Variants in GALNT14 observed in about 807,000 individuals in gnomAD.
GALNT14 encodes polypeptide N-acetylgalactosaminyltransferase 14.
GALNT14 carries 60 observed loss-of-function variants against 77.5 expected under a neutral mutation model. The ratio of observed to expected loss-of-function variants is 0.77; its 90% CI spans 0.63 to 0.96. GALNT14 has a LOEUF of 0.96. Among genes scored for constraint, GALNT14 ranks in the 40% least tolerant of loss-of-function variants. GALNT14 has a pLI of 0.00. For missense variants in GALNT14, 710 were observed against 731.0 expected, an observed-to-expected ratio of 0.97 and a Z score of 0.33; for synonymous variants, 280 against 281.7, an observed-to-expected ratio of 0.99 and a Z score of 0.06.
chr2:31,130,588 T>C (rs535777134), intron 1 of GALNT14, among the ~76,000 whole-genome samples: 1 of 152,124 alleles, frequency 6.6e-6, no homozygotes, highest in Admixed American at 6.5e-5. Flanking sequence ...AGCCTCTAGC[T>C]CTCATTAGGC....
intron 13 of GALNT14, among the ~76,000 whole-genome samples, chr2:30,922,849 G>A (rs1271206948): frequency 2.6e-5 from 4 of 152,154 alleles, no homozygotes; most frequent in African/African-American, 9.7e-5. Context: ...AGTATCTGTT[G>A]AATGAATAAA....
intron 1 of GALNT14, among the ~76,000 whole-genome samples, chr2:31,076,629 ATT>A (rs35108670): frequency 0.048 from 4,872 of 101,844 alleles, 177 homozygotes; most frequent in African/African-American, 0.097. Flanking sequence ...ATATATATAT[ATT>A]TTTTTTTTTT....
intron 7 of GALNT14, 46 bp downstream of exon 7, chr2:30,945,737 A>G: frequency 6.8e-7 from 1 of 1,474,186 alleles, no homozygotes; most frequent in African/African-American, 1.4e-5. Context: ...AGTGACTGAG[A>G]GGAAAAGAAA....
chr2:30,912,547 A>C (rs1664431020), intron 13 of GALNT14, among the ~76,000 whole-genome samples: 1 of 152,122 alleles, frequency 6.6e-6, no homozygotes, highest in Non-Finnish European at 1.5e-5. Flanking sequence ...ATCTCCATCC[A>C]CCCCATGAAG....
At chr2:31,124,467 C>G (rs1678592083) in intron 1 of GALNT14, among the ~76,000 whole-genome samples, 1 of 152,222 alleles carries the variant, frequency 6.6e-6, no homozygotes. Flanking sequence ...CTCCCCTGAT[C>G]ATGTCACCCT....
intron 1 of GALNT14, chr2:31,129,278 T>C: frequency 1.6e-6 from 1 of 639,984 alleles, no homozygotes; most frequent in Non-Finnish European, 1.9e-6. Flanking sequence ...AACACTCACC[T>C]CACAAAGTCG....
intron 9 of GALNT14, among the ~76,000 whole-genome samples, chr2:30,938,155 A>C: frequency 6.8e-6 from 1 of 147,656 alleles, no homozygotes; most frequent in Admixed American, 6.8e-5. Flanking sequence ...GCCCCAACTC[A>C]CCTCTCTCTT....
chr2:31,083,404 A>C (rs1013264594), intron 1 of GALNT14, among the ~76,000 whole-genome samples: 3 of 152,196 alleles, frequency 2.0e-5, no homozygotes, highest in Admixed American at 6.5e-5. Flanking sequence ...AATGTAGTGA[A>C]TCGATAATCA....
intron 2 of GALNT14, among the ~76,000 whole-genome samples, chr2:30,972,960 C>A (rs1278858123): frequency 6.6e-6 from 1 of 152,200 alleles, no homozygotes; most frequent in Non-Finnish European, 1.5e-5. Flanking sequence ...GTGATTCATG[C>A]ACATCTATTA....
chr2:31,068,379 C>T (rs1193001235), intron 1 of GALNT14, among the ~76,000 whole-genome samples: 1 of 151,772 alleles, frequency 6.6e-6, no homozygotes, highest in African/African-American at 2.4e-5. Flanking sequence ...CCCAGCTATT[C>T]AGGAGGCTGA....
chr2:30,989,717 GTA>G (rs72068647), intron 2 of GALNT14, among the ~76,000 whole-genome samples: 44,082 of 138,396 alleles, frequency 0.32, 7,597 homozygotes, highest in African/African-American at 0.45. Flanking sequence ...ATATATATTA[GTA>G]TATATATATA....
the GALNT14 span, among the ~76,000 whole-genome samples, chr2:30,896,956 C>T: frequency 6.6e-6 from 1 of 152,152 alleles, no homozygotes; most frequent in Non-Finnish European, 1.5e-5. Flanking sequence ...ACCTGCAAAA[C>T]ACCTTCCTCC....
At chr2:31,036,504 G>A (rs1442642307) in intron 1 of GALNT14, among the ~76,000 whole-genome samples, 1 of 152,102 alleles carries the variant, frequency 6.6e-6, no homozygotes, top group Non-Finnish European at 1.5e-5. Flanking sequence ...ATTGCTTTAT[G>A]TGGCTGTCTT....
intron 13 of GALNT14, among the ~76,000 whole-genome samples, chr2:30,917,868 C>T (rs1358542964): frequency 4.6e-5 from 7 of 152,222 alleles, no homozygotes; most frequent in Non-Finnish European, 8.8e-5. Flanking sequence ...GGTACCTCCA[C>T]GGTCCCTGAG....
chr2:30,904,482 C>A, the GALNT14 span, among the ~76,000 whole-genome samples: 2 of 152,190 alleles, frequency 1.3e-5, no homozygotes, highest in African/African-American at 4.8e-5. Flanking sequence ...CACTCCCACC[C>A]GAATACTGCG....
intron 1 of GALNT14, among the ~76,000 whole-genome samples, chr2:31,042,734 G>A (rs1466163376): frequency 2.6e-5 from 4 of 152,174 alleles, no homozygotes; most frequent in African/African-American, 4.8e-5. Flanking sequence ...TCCAGTATCT[G>A]ACTCTTCTCG....
At chr2:31,015,222 G>A (rs1242189815) in intron 1 of GALNT14, among the ~76,000 whole-genome samples, 1 of 151,376 alleles carries the variant, frequency 6.6e-6, no homozygotes, top group Non-Finnish European at 1.5e-5. Context: ...AACCTGGGAG[G>A]CTGAGGTTGC....
intron 2 of GALNT14, chr2:30,991,514 C>G (rs1387073193): frequency 6.6e-6 from 1 of 152,130 alleles, no homozygotes; most frequent in African/African-American, 2.4e-5. Flanking sequence ...AGGGAGTAAG[C>G]AGGTATAGCC....
chr2:31,090,542 T>A (rs1298551265), intron 1 of GALNT14, among the ~76,000 whole-genome samples: 1 of 137,756 alleles, frequency 7.3e-6, no homozygotes, highest in East Asian at 2.2e-4. Context: ...CAGGCTGGAG[T>A]GCAATGATGT....
Sources: gnomAD v4.1 joint callset for allele counts (sites outside exome capture counted in the v4.1 genomes callset) on GRCh38, gnomAD v4.1.1 for gene constraint, MANE v1.5 for transcripts, NCBI Gene and HGNC (gene_info 2026-07-23, HGNC 2026-07-21) for gene names.